The following LRRTM4 variants were observed in gnomAD, a reference collection of about 807,000 sequenced individuals.
The protein encoded by LRRTM4 is leucine rich repeat transmembrane neuronal 4.
A neutral mutation model predicts 47.6 loss-of-function variants in LRRTM4; 25 were observed. That is an observed-to-expected ratio of 0.53 (90% CI 0.38 to 0.73). The LOEUF is 0.73. Among genes scored for constraint, LRRTM4 ranks in the 30% least tolerant of loss-of-function variants. The pLI is 0.00. For missense variants in LRRTM4, 638 were observed against 713.4 expected (o/e 0.89, Z 1.20); for synonymous variants, 311 against 269.5 (o/e 1.15, Z -1.51).
chr2:77,031,914 A>T (rs116450913), intron 3 of LRRTM4, among the ~76,000 whole-genome samples: 2,732 of 152,092 alleles, frequency 0.018, 71 homozygotes, highest in African/African-American at 0.062. Context: ...CAGCATCTCA[A>T]ATCTTTCAGG....
chr2:76,873,483 T>G (rs1270235057), intron 3 of LRRTM4, among the ~76,000 whole-genome samples: 1 of 123,928 alleles, frequency 8.1e-6, no homozygotes, highest in Admixed American at 8.8e-5. Context: ...TATATATATA[T>G]GTGTGTGTGT....
chr2:77,470,517 A>T (rs1677150228), intron 3 of LRRTM4, among the ~76,000 whole-genome samples: 1 of 152,224 alleles, frequency 6.6e-6, no homozygotes, highest in African/African-American at 2.4e-5. Flanking sequence ...CACACTGAGC[A>T]GAAAGGTGAA....
intron 3 of LRRTM4, among the ~76,000 whole-genome samples, chr2:76,875,326 A>G (rs1236204772): frequency 2.0e-5 from 3 of 152,040 alleles, no homozygotes; most frequent in African/African-American, 7.2e-5. Flanking sequence ...ACTTCTCCAT[A>G]ATTTCTCCTT....
intron 3 of LRRTM4, among the ~76,000 whole-genome samples, chr2:77,315,930 C>T (rs533370812): frequency 1.3e-5 from 2 of 152,292 alleles, no homozygotes; most frequent in African/African-American, 4.8e-5. Flanking sequence ...ATTTACTTTT[C>T]CTTTGGGCAA....
At chr2:76,899,352 C>CACACAT (rs1491331702) in intron 3 of LRRTM4, among the ~76,000 whole-genome samples, 51 of 96,588 alleles carry the variant, frequency 5.3e-4, no homozygotes, top group African/African-American at 2.1e-3. Flanking sequence ...CACACACACA[C>CACACAT]ATATATATAT....
intron 3 of LRRTM4, among the ~76,000 whole-genome samples, chr2:77,023,044 A>G (rs1678329965): frequency 6.6e-6 from 1 of 152,212 alleles, no homozygotes; most frequent in Non-Finnish European, 1.5e-5. Flanking sequence ...AGGCATTTCC[A>G]TACATCTTCT....
chr2:77,501,343 G>A (rs1678565040), intron 3 of LRRTM4, among the ~76,000 whole-genome samples: 1 of 150,374 alleles, frequency 6.7e-6, no homozygotes, highest in Non-Finnish European at 1.5e-5. Context: ...TGAATACATA[G>A]TCCATACGCA....
At chr2:76,957,859 T>C (rs1675725841) in intron 3 of LRRTM4, among the ~76,000 whole-genome samples, 1 of 151,718 alleles carries the variant, frequency 6.6e-6, no homozygotes, top group African/African-American at 2.4e-5. Context: ...GTTTGAATAA[T>C]TCTGCCAGAT....
At chr2:77,293,364 A>C (rs1018013540) in intron 3 of LRRTM4, among the ~76,000 whole-genome samples, 1 of 152,180 alleles carries the variant, frequency 6.6e-6, no homozygotes, top group Non-Finnish European at 1.5e-5. Context: ...AGCAGTTATC[A>C]AGACAGGGCT....
intron 3 of LRRTM4, among the ~76,000 whole-genome samples, chr2:77,150,569 T>C (rs1299243150): frequency 6.6e-6 from 1 of 152,178 alleles, no homozygotes; most frequent in East Asian, 1.9e-4. Flanking sequence ...CAGTTGATAC[T>C]ACATTTTGCA....
intron 3 of LRRTM4, among the ~76,000 whole-genome samples, chr2:76,934,465 C>A (rs184063577): frequency 1.4e-4 from 21 of 152,272 alleles, no homozygotes; most frequent in African/African-American, 5.1e-4. Context: ...ATTCAGATTA[C>A]TGTGCCTTTC....
At chr2:76,887,966 C>T (rs1673130145) in intron 3 of LRRTM4, among the ~76,000 whole-genome samples, 1 of 150,668 alleles carries the variant, frequency 6.6e-6, no homozygotes, top group Non-Finnish European at 1.5e-5. Context: ...TTATATGTTT[C>T]TCTCTGTATA....
At chr2:77,004,450 A>C (rs1573437808) in intron 3 of LRRTM4, among the ~76,000 whole-genome samples, 1 of 152,314 alleles carries the variant, frequency 6.6e-6, no homozygotes, top group African/African-American at 2.4e-5. Context: ...TTGTGGGTAC[A>C]CAGAAGTCAA....
intron 3 of LRRTM4, among the ~76,000 whole-genome samples, chr2:76,837,614 C>T (rs1671552308): frequency 2.6e-5 from 4 of 152,222 alleles, no homozygotes; most frequent in Admixed American, 2.0e-4. Flanking sequence ...ATAAATCATG[C>T]TGCTATAAAG....
intron 3 of LRRTM4, among the ~76,000 whole-genome samples, chr2:77,334,773 ATGG>A (rs1392734379): frequency 6.6e-6 from 1 of 152,162 alleles, no homozygotes; most frequent in East Asian, 1.9e-4. Flanking sequence ...TTCTTGTAGC[ATGG>A]TACTCGGAGA....
At chr2:77,293,807 T>C (rs1244093995) in intron 3 of LRRTM4, among the ~76,000 whole-genome samples, 1 of 152,126 alleles carries the variant, frequency 6.6e-6, no homozygotes, top group Non-Finnish European at 1.5e-5. Flanking sequence ...CTCCCTTCCC[T>C]ACTATGGTAA....
At chr2:76,770,772 A>G (rs1673662631) in intron 3 of LRRTM4, among the ~76,000 whole-genome samples, 1 of 152,184 alleles carries the variant, frequency 6.6e-6, no homozygotes, top group African/African-American at 2.4e-5. Context: ...CAGTAGTACA[A>G]TTGAAACATC....
At chr2:76,758,172 C>A (rs1344155557) in intron 3 of LRRTM4, among the ~76,000 whole-genome samples, 1 of 152,130 alleles carries the variant, frequency 6.6e-6, no homozygotes, top group Non-Finnish European at 1.5e-5. Context: ...GATTTGCTTG[C>A]CTTTTGCAGA....
rs1041033335 is a variant in LRRTM4 at position 77,007,140 on chromosome 2, A to C, written c.1552-258224T>G. On this transcript the variant is annotated intron_variant, in intron 3 of 3. Coordinates refer to ENST00000409884, the MANE Select transcript of LRRTM4 (RefSeq NM_001134745.3). ...CAAGAGAATTTGAAATTTTCCTGTA[A>C]TAAATAAAGAGGAATATATATATAT... 6.6e-5 allele frequency among the ~76,000 whole-genome samples: 10 copies of C among 151,916 alleles called. No individual in the cohort carries two copies. In the South Asian group the frequency reaches 1.2e-3, roughly 19 times the overall value.
Sources: allele counts gnomAD v4.1 joint callset (sites outside exome capture counted in the v4.1 genomes callset), GRCh38; gene constraint gnomAD v4.1.1; transcripts MANE v1.5; gene names NCBI Gene and HGNC (gene_info 2026-07-23, HGNC 2026-07-21).